Variants in KDM4C observed in about 807,000 individuals in gnomAD.
KDM4C encodes lysine demethylase 4C, also known as lysine-specific demethylase 4C.
KDM4C carries 81 observed loss-of-function variants against 129.3 expected under a neutral mutation model. The observed-to-expected ratio is 0.63, with a 90% CI of 0.52 to 0.75. The LOEUF is 0.75. KDM4C is among the 30% of genes least tolerant of loss of function. The pLI is 0.00. For missense variants in KDM4C, 1,457 were observed against 1,304.0 expected, an observed-to-expected ratio of 1.12 and a Z score of -1.81; for synonymous variants, 573 against 456.1, an observed-to-expected ratio of 1.26 and a Z score of -3.26.
At chr9:7,123,325 A>G (rs1371830796) in intron 18 of KDM4C, among the ~76,000 whole-genome samples, 1 of 152,168 alleles carries the variant, frequency 6.6e-6, no homozygotes, top group Non-Finnish European at 1.5e-5. Context: ...GAGTTTCACC[A>G]TAAACCTTCT....
Position 7,174,707 on chromosome 9 carries a change from A to G in KDM4C, c.3149A>G (p.Lys1050Arg), listed in dbSNP as rs753151430. The G allele has an allele frequency of 1.2e-6, 2 of 1,614,168 alleles. No homozygotes were observed. The highest frequency in any genetic ancestry group is 1.7e-6 in the Non-Finnish European group (2 of 1,180,004). ...ACTTTTTTGAAGAGCTCTTTCCAGA[A>G]GAAGTGCCAGAAGAGACAGTAGTCT... Reference protein sequence around the residue: ...YRTFLKSSFQKKCQKRQ With the variant: ...YRTFLKSSFQRKCQKRQ Residue 1050 changes from lysine to arginine, a missense_variant, in exon 22 of 22, where the codon AAG becomes AGG. Coordinates refer to ENST00000381309, the MANE Select transcript of KDM4C (RefSeq NM_015061.6).
At chr9:6,993,938 G>C (rs1035436996) in intron 12 of KDM4C, among the ~76,000 whole-genome samples, 4 of 151,660 alleles carry the variant, frequency 2.6e-5, no homozygotes, top group East Asian at 1.9e-4. Context: ...TTTGCGACGT[G>C]AGTCTTCCTT....
chr9:6,793,365 C>A (rs1827105692), intron 2 of KDM4C, among the ~76,000 whole-genome samples: 1 of 151,524 alleles, frequency 6.6e-6, no homozygotes, highest in South Asian at 2.1e-4. Context: ...AAAATCAAAA[C>A]CAACCAAGGG....
chr9:7,125,786 A>T (rs886770445), intron 18 of KDM4C, among the ~76,000 whole-genome samples: 1 of 152,116 alleles, frequency 6.6e-6, no homozygotes, highest in Non-Finnish European at 1.5e-5. Context: ...TCCCTTGGGG[A>T]TTATGAAGGC....
At chr9:7,035,523 C>T (rs1415207397) in intron 15 of KDM4C, among the ~76,000 whole-genome samples, 1 of 151,440 alleles carries the variant, frequency 6.6e-6, no homozygotes, top group Non-Finnish European at 1.5e-5. Context: ...GCTTTTGTTG[C>T]CCTTGCTTTT....
intron 1 of KDM4C, among the ~76,000 whole-genome samples, chr9:6,774,285 C>T (rs1487874675): frequency 6.6e-6 from 1 of 152,188 alleles, no homozygotes; most frequent in Non-Finnish European, 1.5e-5. Context: ...GCAGGTTTGT[C>T]TTCCTTTAGG....
intron 8 of KDM4C, among the ~76,000 whole-genome samples, chr9:6,916,795 C>T (rs1407564410): frequency 6.6e-6 from 1 of 152,152 alleles, no homozygotes; most frequent in Non-Finnish European, 1.5e-5. Flanking sequence ...AATGGACCTT[C>T]TTGTTTTTAG....
At chr9:7,040,310 CCT>C (rs558023779) in intron 15 of KDM4C, among the ~76,000 whole-genome samples, 32 of 150,728 alleles carry the variant, frequency 2.1e-4, no homozygotes, top group African/African-American at 7.3e-4. Flanking sequence ...TCCCTCCCTC[CCT>C]CTGTCTCTCT....
Position 6,793,103 on chromosome 9 carries a change from A to G in KDM4C, c.115A>G (p.Lys39Glu), listed in dbSNP as rs1345098471. Residue 39 changes from lysine to glutamate, a missense_variant, in exon 2 of 22, where the codon AAA becomes GAA. Coordinates refer to ENST00000381309, the MANE Select transcript of KDM4C (RefSeq NM_015061.6). Reference protein sequence around the residue: ...FNKYLAYMESKGAHRAGLAKV... With the variant: ...FNKYLAYMESEGAHRAGLAKV... ...CAAATACCTTGCATACATGGAGTCTAAAGGAGCCCATCGTGCGGGTCTTGC... is the reference window on the plus strand; with the variant it reads ...CAAATACCTTGCATACATGGAGTCTGAAGGAGCCCATCGTGCGGGTCTTGC... 1.9e-6 allele frequency: 3 copies of G among 1,614,144 alleles called. No individual in the cohort carries two copies. The highest frequency in any genetic ancestry group is 2.5e-6 in the Non-Finnish European group (3 of 1,180,016).
chr9:6,941,228 C>T (rs965820368), intron 8 of KDM4C, among the ~76,000 whole-genome samples: 3 of 152,178 alleles, frequency 2.0e-5, no homozygotes, highest in Non-Finnish European at 2.9e-5. Flanking sequence ...GGGCTGGTCT[C>T]AAACTCCTGA....
At chr9:6,965,932 C>T (rs1830885352) in intron 8 of KDM4C, among the ~76,000 whole-genome samples, 1 of 152,290 alleles carries the variant, frequency 6.6e-6, no homozygotes, top group South Asian at 2.1e-4. Context: ...TTAACCATCA[C>T]AATAAGTTTG....
rs180731058 is a variant in KDM4C at position 7,129,601 on chromosome 9, G to T, written c.2781+1365G>T. Among the ~76,000 whole-genome samples the T allele has an allele frequency of 3.9e-4, 59 of 152,186 alleles. No homozygotes were observed. The East Asian group carries it at 0.011, about 27-fold the overall frequency. ...CACTTACTTACCACACTAGGTGCTG[G>T]AAACATAAAGAGAAAGAAGATGTAA... On this transcript the variant is annotated intron_variant, in intron 19 of 21. Transcript: ENST00000381309.
rs1266243486 is a variant in KDM4C, at chr9:7,071,854, C to G, written c.2424+22654C>G. ...CCATACCACCCTGAACACACCTGATCTCATCTGAAAGACACTGTTTGAGAA... is the reference window on the plus strand; with the variant it reads ...CCATACCACCCTGAACACACCTGATGTCATCTGAAAGACACTGTTTGAGAA... On this transcript the variant is annotated intron_variant, in intron 17 of 21. Transcript: ENST00000381309. Among the ~76,000 whole-genome samples, 9 of 152,224 alleles carry G rather than the reference C, an allele frequency of 5.9e-5. No homozygotes were observed. The East Asian group carries it at 1.2e-3, about 20-fold the overall frequency.
chr9:6,793,730 A>G (rs945306222), intron 2 of KDM4C, among the ~76,000 whole-genome samples: 8 of 151,606 alleles, frequency 5.3e-5, no homozygotes, highest in African/African-American at 1.9e-4. Flanking sequence ...TTTAGTTGAG[A>G]CGGGGTTTCA....
At chr9:7,006,381 G>A (rs1377930214) in intron 12 of KDM4C, among the ~76,000 whole-genome samples, 1 of 152,136 alleles carries the variant, frequency 6.6e-6, no homozygotes, top group Non-Finnish European at 1.5e-5. Context: ...CATTGCTTGA[G>A]CATCAGAGGT....
chr9:6,791,812 C>T (rs1463607831), intron 1 of KDM4C, among the ~76,000 whole-genome samples: 2 of 152,008 alleles, frequency 1.3e-5, no homozygotes, highest in Non-Finnish European at 2.9e-5. Flanking sequence ...CACCTGAGGT[C>T]GGGAGTTCGA....
intron 1 of KDM4C, among the ~76,000 whole-genome samples, chr9:6,728,704 G>A (rs1005825551): frequency 1.3e-5 from 2 of 151,874 alleles, no homozygotes; most frequent in African/African-American, 4.8e-5. Flanking sequence ...AAATTAGCCA[G>A]GGATGGTGGC....
At chr9:6,831,830 A>G (rs761201520) in intron 4 of KDM4C, among the ~76,000 whole-genome samples, 5 of 152,182 alleles carry the variant, frequency 3.3e-5, no homozygotes, top group Non-Finnish European at 5.9e-5. Context: ...TTCGTTGGCC[A>G]GAAAGAACCC....
chr9:7,069,025 T>G (rs1832839575), intron 17 of KDM4C, among the ~76,000 whole-genome samples: 1 of 152,032 alleles, frequency 6.6e-6, no homozygotes, highest in South Asian at 2.1e-4. Context: ...ATCCGAACCT[T>G]TCTTCTCACT....
Sources: gnomAD v4.1 joint callset for allele counts (sites outside exome capture counted in the v4.1 genomes callset) on GRCh38, gnomAD v4.1.1 for gene constraint, MANE v1.5 for transcripts, NCBI Gene and HGNC (gene_info 2026-07-23, HGNC 2026-07-21) for gene names.